GMDS: variants seen among roughly 807,000 people sequenced by gnomAD.
GMDS encodes GDP-mannose 4,6 dehydratase.
In GMDS, 20 loss-of-function variants were observed where a neutral mutation model predicts 49.9. The observed-to-expected ratio is 0.40, with a 90% CI of 0.28 to 0.58. GMDS has a LOEUF of 0.58. GMDS is among the 20% of genes least tolerant of loss of function. The pLI is 0.42. For synonymous variants in GMDS, 177 were observed against 178.6 expected (o/e 0.99, Z 0.07); for missense variants, 362 against 481.4 (o/e 0.75, Z 2.32).
chr6:2,048,672 T>C (rs1770175978), intron 4 of GMDS, among the ~76,000 whole-genome samples: 1 of 152,246 alleles, frequency 6.6e-6, no homozygotes, highest in South Asian at 2.1e-4. Flanking sequence ...TCATATTACC[T>C]ACTTTCTCTT....
At chr6:2,060,715 C>T (rs558594578) in intron 4 of GMDS, among the ~76,000 whole-genome samples, 9 of 152,242 alleles carry the variant, frequency 5.9e-5, no homozygotes, top group South Asian at 2.1e-4. Flanking sequence ...TGAGGGAACA[C>T]GTCACTGAGA....
chr6:1,725,075 T>A (rs1766527804), intron 9 of GMDS, among the ~76,000 whole-genome samples: 1 of 152,140 alleles, frequency 6.6e-6, no homozygotes, highest in African/African-American at 2.4e-5. Flanking sequence ...TTTCCTAACC[T>A]CTCCAAGGTT....
intron 4 of GMDS, among the ~76,000 whole-genome samples, chr6:2,023,079 C>A (rs1271233097): frequency 6.6e-6 from 1 of 152,138 alleles, no homozygotes; most frequent in Non-Finnish European, 1.5e-5. Flanking sequence ...GGTAAATGGT[C>A]ATCAAACTGT....
intron 9 of GMDS, among the ~76,000 whole-genome samples, chr6:1,709,562 G>GC (rs1400608012): frequency 6.6e-6 from 1 of 152,196 alleles, no homozygotes; most frequent in Non-Finnish European, 1.5e-5. Context: ...GTGTTGCCTG[G>GC]CCCCCAGGAC....
At chr6:2,209,776 C>T (rs234913) in intron 1 of GMDS, among the ~76,000 whole-genome samples, 18 of 151,770 alleles carry the variant, frequency 1.2e-4, no homozygotes, top group Non-Finnish European at 2.1e-4. Context: ...AATCTATCTT[C>T]GGGGTTCTAA....
intron 1 of GMDS, among the ~76,000 whole-genome samples, chr6:2,141,563 G>C (rs1230601683): frequency 6.6e-6 from 1 of 152,168 alleles, no homozygotes; most frequent in African/African-American, 2.4e-5. Flanking sequence ...ATAAAACCGT[G>C]AACGCTGACG....
chr6:2,017,944 T>C (rs1347149367), intron 4 of GMDS, among the ~76,000 whole-genome samples: 1 of 152,192 alleles, frequency 6.6e-6, no homozygotes, highest in African/African-American at 2.4e-5. Flanking sequence ...GCTGCAGGTA[T>C]ACTTGGTAAA....
At chr6:1,654,442 A>G (rs1311785117) in intron 9 of GMDS, among the ~76,000 whole-genome samples, 3 of 152,246 alleles carry the variant, frequency 2.0e-5, no homozygotes, top group Non-Finnish European at 4.4e-5. Context: ...GAGGAAGACA[A>G]TTTTGACACC....
intron 1 of GMDS, among the ~76,000 whole-genome samples, chr6:2,152,442 A>G (rs979365642): frequency 1.1e-4 from 16 of 152,162 alleles, no homozygotes; most frequent in African/African-American, 3.9e-4. Context: ...CAAAATCAGG[A>G]GTTTCCAAAT....
intron 8 of GMDS, among the ~76,000 whole-genome samples, chr6:1,733,044 A>G (rs6929402): frequency 0.87 from 132,336 of 152,250 alleles, 57,616 homozygotes; most frequent in East Asian, 0.99. Flanking sequence ...GTATTCTGTC[A>G]CACTAGCTCC....
rs900298187 is a variant in GMDS at position 1,635,968 on chromosome 6, G to T, written c.988-11428C>A. ...TTTCCTCACAAGGCACTTTTCCTAC[G>T]TCGCATTTCCAGAGTAACCTGCCAC... is the stretch of plus-strand genomic sequence containing the variant. On this transcript the variant is annotated intron_variant, in intron 9 of 10. Transcript: ENST00000380815. The surrounding 1 kb of genome is among the most constrained non-coding windows in gnomAD (Gnocchi z 4.7). 6.6e-6 allele frequency among the ~76,000 whole-genome samples: 1 copy of T among 152,114 alleles called. No homozygotes were observed.
At chr6:2,137,524 G>A (rs1776071123) in intron 1 of GMDS, among the ~76,000 whole-genome samples, 1 of 152,056 alleles carries the variant, frequency 6.6e-6, no homozygotes, top group South Asian at 2.1e-4. Context: ...AGTAGAGACA[G>A]GGTTTCTCCA....
chr6:1,699,052 C>T (rs1189636380), intron 9 of GMDS, among the ~76,000 whole-genome samples: 1 of 152,232 alleles, frequency 6.6e-6, no homozygotes, highest in South Asian at 2.1e-4. Context: ...TCCTCTTAGT[C>T]TCTGTCTACT....
chr6:1,797,222 C>T (rs980606448), intron 7 of GMDS, among the ~76,000 whole-genome samples: 2 of 152,176 alleles, frequency 1.3e-5, no homozygotes, highest in African/African-American at 4.8e-5. Flanking sequence ...TTATGAAACT[C>T]TAATGCTTGA....
At chr6:2,162,266 G>T (rs77273515) in intron 1 of GMDS, among the ~76,000 whole-genome samples, 7,046 of 152,192 alleles carry the variant, frequency 0.046, 274 homozygotes, top group South Asian at 0.13. Flanking sequence ...TACATGACCT[G>T]GGAATTGTGA....
At chr6:1,989,355 C>A (rs746969727) in intron 4 of GMDS, among the ~76,000 whole-genome samples, 2 of 152,080 alleles carry the variant, frequency 1.3e-5, no homozygotes, top group Non-Finnish European at 2.9e-5. Flanking sequence ...TACATCAGAA[C>A]AGCTAGGCTG....
chr6:2,020,335 A>G (rs1007904720), intron 4 of GMDS, among the ~76,000 whole-genome samples: 8 of 151,816 alleles, frequency 5.3e-5, no homozygotes, highest in African/African-American at 1.9e-4. Context: ...TAAATAAATT[A>G]AAAAATAAAA....
At chr6:1,633,491 T>G (rs1288712898) in intron 9 of GMDS, among the ~76,000 whole-genome samples, 1 of 152,164 alleles carries the variant, frequency 6.6e-6, no homozygotes, top group Non-Finnish European at 1.5e-5. Context: ...GACCTGAGTT[T>G]CGGCTGATGG....
At chr6:2,042,131 T>TAA (rs1164429962) in intron 4 of GMDS, among the ~76,000 whole-genome samples, 2 of 152,216 alleles carry the variant, frequency 1.3e-5, no homozygotes, top group African/African-American at 4.8e-5. Context: ...GAAAAGGCAG[T>TAA]AAAGAAAAAC....
Sources: allele counts gnomAD v4.1 joint callset (sites outside exome capture counted in the v4.1 genomes callset), GRCh38; gene constraint gnomAD v4.1.1; non-coding constraint Gnocchi (gnomAD v3.1); transcripts MANE v1.5; gene names NCBI Gene and HGNC (gene_info 2026-07-23, HGNC 2026-07-21).